The following ADAMTS3 variants were observed in gnomAD, a reference collection of about 807,000 sequenced individuals.
The protein encoded by ADAMTS3 is ADAM metallopeptidase with thrombospondin type 1 motif 3, also known as A disintegrin and metalloproteinase with thrombospondin motifs 3.
Under a neutral mutation model 129.0 loss-of-function variants are expected in ADAMTS3, and 73 were observed. That is an observed-to-expected ratio of 0.57 (90% confidence interval 0.47 to 0.69). ADAMTS3 has a LOEUF of 0.69. Among genes scored for constraint, ADAMTS3 ranks in the 30% least tolerant of loss-of-function variants. ADAMTS3 has a pLI of 0.00. For synonymous variants in ADAMTS3, 477 were observed against 510.8 expected (o/e 0.93, Z 0.89); for missense variants, 1,457 against 1,514.5 (o/e 0.96, Z 0.63).
At chr4:72,470,376 TACACACAC>T (rs373903285) in intron 3 of ADAMTS3, among the ~76,000 whole-genome samples, 3 of 137,960 alleles carry the variant, frequency 2.2e-5, no homozygotes, top group African/African-American at 8.0e-5. Flanking sequence ...TATATATATA[TACACACAC>T]ACACACACAC....
intron 3 of ADAMTS3, among the ~76,000 whole-genome samples, chr4:72,484,239 A>C (rs1719518293): frequency 1.3e-5 from 2 of 152,214 alleles, no homozygotes; most frequent in African/African-American, 4.8e-5. Context: ...TGCACAGTAC[A>C]TATTAAGGCA....
At chr4:72,387,677 G>T (rs1046982085) in intron 4 of ADAMTS3, among the ~76,000 whole-genome samples, 2 of 152,014 alleles carry the variant, frequency 1.3e-5, no homozygotes, top group African/African-American at 4.8e-5. Context: ...AAAGTTTTGG[G>T]GTGAACTTCC....
chr4:72,296,568 C>T (rs1718814349), intron 18 of ADAMTS3, among the ~76,000 whole-genome samples: 1 of 151,982 alleles, frequency 6.6e-6, no homozygotes, highest in Non-Finnish European at 1.5e-5. Flanking sequence ...GTCACATTTG[C>T]TATATTTCTT....
intron 4 of ADAMTS3, among the ~76,000 whole-genome samples, chr4:72,379,609 A>G (rs1352176982): frequency 1.3e-5 from 2 of 152,144 alleles, no homozygotes; most frequent in African/African-American, 4.8e-5. Flanking sequence ...TTAATTTTTA[A>G]TCATAAATAT....
At position 72,437,968 on chromosome 4, in the gene ADAMTS3, C is replaced by T. The variant is rs1001948355; in HGVS notation, c.505-22997G>A. ...GAAAGATGAGTTTAGCTTGATGAAA[C>T]TGTTTCTGTCGTTTTGAGTTCCCAT... On this transcript the variant is annotated intron_variant, in intron 3 of 21. Transcript: ENST00000286657. Among the ~76,000 whole-genome samples, 18 of 151,746 alleles carry T rather than the reference C, an allele frequency of 1.2e-4. No individual in the cohort carries two copies. The Middle Eastern group carries it at 0.01, about 86-fold the overall frequency.
intron 4 of ADAMTS3, among the ~76,000 whole-genome samples, chr4:72,371,624 C>T (rs1414185355): frequency 6.6e-6 from 1 of 151,888 alleles, no homozygotes; most frequent in Non-Finnish European, 1.5e-5. Flanking sequence ...AACTACTTAG[C>T]TTTACAATAT....
chr4:72,401,149 T>G (rs1721904139), intron 4 of ADAMTS3, among the ~76,000 whole-genome samples: 2 of 151,856 alleles, frequency 1.3e-5, no homozygotes, highest in Non-Finnish European at 2.9e-5. Flanking sequence ...ACAGCACTAA[T>G]TTAGAACACT....
chr4:72,403,981 T>C (rs778716380), intron 4 of ADAMTS3, among the ~76,000 whole-genome samples: 23 of 151,994 alleles, frequency 1.5e-4, no homozygotes, highest in Non-Finnish European at 2.5e-4. Context: ...TGGAGAATAT[T>C]ACATACTAGA....
chr4:72,561,526 A>G (rs183462404), intron 2 of ADAMTS3, among the ~76,000 whole-genome samples: 1 of 152,186 alleles, frequency 6.6e-6, no homozygotes, highest in Admixed American at 6.5e-5. Flanking sequence ...AAAGAAAAAA[A>G]TGAACTTTAC....
intron 3 of ADAMTS3, among the ~76,000 whole-genome samples, chr4:72,514,297 T>C (rs1409287876): frequency 6.6e-6 from 1 of 152,170 alleles, no homozygotes; most frequent in Non-Finnish European, 1.5e-5. Flanking sequence ...CTTCAAGACA[T>C]GTTTCCCATG....
rs1719495613 is a variant in ADAMTS3 at position 72,319,491 on chromosome 4, A to C, written c.1209-16T>G. ...CATTCCCAACCTAGAACACAAAGAGACCTCAGTGGTAAGAATCAGGGGCTA... is the reference window on the plus strand; with the variant it reads ...CATTCCCAACCTAGAACACAAAGAGCCCTCAGTGGTAAGAATCAGGGGCTA... On this transcript the variant is annotated splice_polypyrimidine_tract_variant and intron_variant, in intron 8 of 21. Coordinates refer to ENST00000286657, the MANE Select transcript of ADAMTS3 (RefSeq NM_014243.3). 2 of 1,599,934 alleles carry C rather than the reference A, an allele frequency of 1.3e-6. No individual in the cohort carries two copies. The highest frequency in any genetic ancestry group is 1.7e-6 in the Non-Finnish European group (2 of 1,175,408).
At chr4:72,312,598 C>T (rs920413363) in intron 12 of ADAMTS3, 132 bp from the exon 13 acceptor site, 1 of 750,516 alleles carries the variant, frequency 1.3e-6, no homozygotes, top group African/African-American at 1.8e-5. Context: ...CTCATACTTC[C>T]TAATTTCAGT....
At chr4:72,295,915 G>C in intron 18 of ADAMTS3, 129 bp from the exon 19 acceptor site, 1 of 1,136,012 alleles carries the variant, frequency 8.8e-7, no homozygotes, top group Non-Finnish European at 1.2e-6. Flanking sequence ...ATACAAACCG[G>C]CACTTCAATA....
At chr4:72,522,330 A>G (rs980524644) in intron 3 of ADAMTS3, among the ~76,000 whole-genome samples, 1 of 152,148 alleles carries the variant, frequency 6.6e-6, no homozygotes, top group Non-Finnish European at 1.5e-5. Context: ...ACTAAATAAA[A>G]CCTAATCCAA....
chr4:72,550,125 A>T (rs1721609959), intron 2 of ADAMTS3, among the ~76,000 whole-genome samples: 1 of 148,016 alleles, frequency 6.8e-6, no homozygotes, highest in Non-Finnish European at 1.5e-5. Context: ...GAAGGCATAG[A>T]AAGGGAAATC....
chr4:72,565,175 T>G (rs1721992767), intron 2 of ADAMTS3, among the ~76,000 whole-genome samples: 1 of 152,214 alleles, frequency 6.6e-6, no homozygotes. Flanking sequence ...TATTACTCAT[T>G]TATATTTAAC....
intron 3 of ADAMTS3, among the ~76,000 whole-genome samples, chr4:72,500,051 T>C (rs564097964): frequency 1.3e-5 from 2 of 152,286 alleles, no homozygotes; most frequent in South Asian, 4.1e-4. Flanking sequence ...ATTGATTCCA[T>C]GTCTTTGTTA....
At chr4:72,420,556 C>T (rs1228696225) in intron 3 of ADAMTS3, among the ~76,000 whole-genome samples, 5 of 152,224 alleles carry the variant, frequency 3.3e-5, no homozygotes, top group African/African-American at 1.2e-4. Context: ...CACTCGATCA[C>T]TTAACTGCCT....
chr4:72,557,963 C>T (rs1432272607), intron 2 of ADAMTS3, among the ~76,000 whole-genome samples: 2 of 151,738 alleles, frequency 1.3e-5, no homozygotes, highest in Non-Finnish European at 2.9e-5. Context: ...CTTACAGACT[C>T]GAGAGCTATG....
Sources: gnomAD v4.1 joint callset for allele counts (sites outside exome capture counted in the v4.1 genomes callset) on GRCh38, gnomAD v4.1.1 for gene constraint, MANE v1.5 for transcripts, NCBI Gene and HGNC (gene_info 2026-07-23, HGNC 2026-07-21) for gene names.